Variants in MKRN3 observed in about 807,000 individuals in gnomAD.
MKRN3 encodes makorin ring finger protein 3.
For synonymous variants in MKRN3, 301 were observed against 250.2 expected, an observed-to-expected ratio of 1.20 and a Z score of -1.91; for missense variants, 749 against 667.0, an observed-to-expected ratio of 1.12 and a Z score of -1.35.
Position 23,566,234 on chromosome 15 carries a change from C to T in MKRN3, c.452C>T (p.Pro151Leu). ...CCTAGCACGGCTGCGCACATCGAGC[C>T]CCCGACTCAGGAAGTGGCGGAAGCC... ...GGPSTAAHIE[P>L]PTQEVAEAPP... The change falls in exon 1 of 1, where the codon CCC becomes CTC. Residue 151 changes from proline to leucine, a missense_variant. Transcript: ENST00000314520. 2.5e-6 allele frequency: 4 copies of T among 1,613,740 alleles called. No individual in the cohort carries two copies. Among genetic ancestry groups the T allele is most frequent in the East Asian group, 2.2e-5 (1 of 44,870 alleles).
Position 23,567,840 on chromosome 15 carries a change from A to G in MKRN3, c.*534A>G. The G allele has an allele frequency of 1.0e-6, 1 of 991,132 alleles. No homozygotes were observed. The highest frequency in any genetic ancestry group is 4.7e-5 in the South Asian group (1 of 21,128). 61.4% of individuals were successfully genotyped at this position (991,132 alleles called of 1,614,324 possible). On this transcript the variant is annotated 3_prime_UTR_variant, in exon 1 of 1. Coordinates refer to ENST00000314520, the MANE Select transcript of MKRN3 (RefSeq NM_005664.4). ...TGACCAAAACCAAGTGTATATGTTT[A>G]CATGTTTTTATCCTGTTTAGCTTGA... is the stretch of plus-strand genomic sequence containing the variant.
At position 23,567,348 on chromosome 15, in the gene MKRN3, C is replaced by T. The variant is rs372520672; in HGVS notation, c.*42C>T. 24 of 1,595,574 alleles carry T rather than the reference C, an allele frequency of 1.5e-5. No individual in the cohort carries two copies. Among genetic ancestry groups the T allele is most frequent in the African/African-American group, 1.1e-4 (8 of 74,436 alleles). On this transcript the variant is annotated 3_prime_UTR_variant, in exon 1 of 1. Transcript: ENST00000314520. ...GTGGTCTAGTCTGCTGAGGTTCTGTCGTCTGCTATTGCCTGTTTTCCCTGT... is the reference window on the plus strand; with the variant it reads ...GTGGTCTAGTCTGCTGAGGTTCTGTTGTCTGCTATTGCCTGTTTTCCCTGT...
Position 23,567,864 on chromosome 15 carries a change from G to A in MKRN3, c.*558G>A, listed in dbSNP as rs1889138109. ...TACATGTTTTTATCCTGTTTAGCTT[G>A]ACATGAAATAATTTATATTTGGAAA... On this transcript the variant is annotated 3_prime_UTR_variant, in exon 1 of 1. Coordinates refer to ENST00000314520, the MANE Select transcript of MKRN3 (RefSeq NM_005664.4). The A allele has an allele frequency of 6.3e-6, 6 of 959,316 alleles. No homozygotes were observed. Among genetic ancestry groups the A allele is most frequent in the Non-Finnish European group, 7.6e-6 (6 of 793,494 alleles). 59.4% of individuals were successfully genotyped at this position (959,316 alleles called of 1,614,324 possible).
chr15:23,567,184 C>T lies in MKRN3; in HGVS notation c.1402C>T (p.Leu468Phe). 6.2e-7 allele frequency: 1 copy of T among 1,614,206 alleles called. No homozygotes were observed. Among genetic ancestry groups the T allele is most frequent in the South Asian group, 1.1e-5 (1 of 91,080 alleles). ...AAGCATTAAGAAGGAGCTTGTCGTGCTTCGGCTGGCCAGTCTGTTGTTTAA... is the reference window on the plus strand; with the variant it reads ...AAGCATTAAGAAGGAGCTTGTCGTGTTTCGGCTGGCCAGTCTGTTGTTTAA... The part of the protein sequence containing the change: ...YKSIKKELVV[L>F]RLASLLFKRF... The change falls in exon 1 of 1, where the codon CTT becomes TTT. Residue 468 changes from leucine (L) to phenylalanine (F), a missense_variant. Coordinates refer to ENST00000314520, the MANE Select transcript of MKRN3 (RefSeq NM_005664.4).
rs1481181374 is a variant in MKRN3 at position 23,567,178 on chromosome 15, G to T, written c.1396G>T (p.Val466Phe). ...CTATAAAAGCATTAAGAAGGAGCTT[G>T]TCGTGCTTCGGCTGGCCAGTCTGTT... ...MLYKSIKKEL[V>F]VLRLASLLFK... The change falls in exon 1 of 1, where the codon GTC becomes TTC. Residue 466 changes from valine (V) to phenylalanine (F), a missense_variant. Val to Phe is a conservative substitution (Grantham distance 50). Transcript: ENST00000314520. 5.0e-6 allele frequency: 8 copies of T among 1,614,086 alleles called. No individual in the cohort carries two copies. The South Asian group carries it at 7.7e-5, about 16-fold the overall frequency.
chr15:23,566,120 A>C lies in MKRN3; in HGVS notation c.338A>C (p.Glu113Ala). 1 of 1,614,120 alleles carries C rather than the reference A, an allele frequency of 6.2e-7. No homozygotes were observed. The highest frequency in any genetic ancestry group is 8.5e-7 in the Non-Finnish European group (1 of 1,180,018). ...ATACATGGGCAGTGCAAGGAGGGGG[A>C]GAACTGTCGCTATTCGCACGACCTT... The part of the protein sequence containing the change: ...YYIHGQCKEG[E>A]NCRYSHDLSG... The change falls in exon 1 of 1, where the codon GAG (glutamate) becomes GCG (alanine). Residue 113 changes from glutamate (E) to alanine (A), a missense_variant. Transcript: ENST00000314520.
In MKRN3 at chr15:23,567,214, T is replaced by C. The variant is rs973701240; in HGVS notation, c.1432T>C (p.Phe478Leu). ...LRLASLLFKRFLSLRDELPFS... is the reference protein window; with the variant it reads ...LRLASLLFKRLLSLRDELPFS... ...GCTGGCCAGTCTGTTGTTTAAGCGG[T>C]TTCTTTCACTGAGAGATGAGTTACC... is the stretch of plus-strand genomic sequence containing the variant. The change falls in exon 1 of 1, where the codon TTT becomes CTT. Residue 478 changes from phenylalanine (F) to leucine (L), a missense_variant. Coordinates refer to ENST00000314520, the MANE Select transcript of MKRN3 (RefSeq NM_005664.4). 5.0e-6 allele frequency: 8 copies of C among 1,614,082 alleles called. No individual in the cohort carries two copies. The highest frequency in any genetic ancestry group is 6.8e-6 in the Non-Finnish European group (8 of 1,180,048).
rs897063266 is a variant in MKRN3, at chr15:23,565,679, T to G, written c.-104T>G. 1 of 1,182,596 alleles carries G rather than the reference T, an allele frequency of 8.5e-7. No homozygotes were observed. The highest frequency in any genetic ancestry group is 1.2e-6 in the Non-Finnish European group (1 of 868,862). 73.3% of individuals were successfully genotyped at this position (1,182,596 alleles called of 1,614,324 possible). A position where few individuals can be genotyped will look rare whatever the true frequency, so the allele number is the denominator to read the frequency against. ...GGGGAAGGAAAAAGAGATGCACACT[T>G]CCCCCAGAGAAGCCTCCGAGCGCGG... On this transcript the variant is annotated 5_prime_UTR_variant, in exon 1 of 1. Coordinates refer to ENST00000314520, the MANE Select transcript of MKRN3 (RefSeq NM_005664.4).
rs1383045114 is a variant in MKRN3 at position 23,567,285 on chromosome 15, A to C, written c.1503A>C (p.Glu501Asp). 6.2e-7 allele frequency: 1 copy of C among 1,614,168 alleles called. No homozygotes were observed. Among genetic ancestry groups the C allele is most frequent in the Admixed American group, 1.7e-5 (1 of 60,026 alleles). ...ACTTGCTTCATTATGAGCTGGAAGA[A>C]TATTTCAATTTGATTCTGTAGCATC... ...QWDLLHYELEEYFNLIL is the reference protein window; with the variant it reads ...QWDLLHYELEDYFNLIL Residue 501 changes from glutamate to aspartate, a missense_variant, in exon 1 of 1, where the codon GAA becomes GAC. Glu to Asp is a conservative substitution (Grantham distance 45). Transcript: ENST00000314520.
chr15:23,567,380 A>G lies in MKRN3; in HGVS notation c.*74A>G. ...TATTGCCTGTTTTCCCTGTGTTGACACTCTTACTGCTTTCAGGGGCTGTTG... is the reference window on the plus strand; with the variant it reads ...TATTGCCTGTTTTCCCTGTGTTGACGCTCTTACTGCTTTCAGGGGCTGTTG... On this transcript the variant is annotated 3_prime_UTR_variant, in exon 1 of 1. Coordinates refer to ENST00000314520, the MANE Select transcript of MKRN3 (RefSeq NM_005664.4). 1.9e-6 allele frequency: 3 copies of G among 1,557,584 alleles called. No homozygotes were observed. Among genetic ancestry groups the G allele is most frequent in the South Asian group, 2.5e-5 (2 of 79,906 alleles).
Position 23,565,933 on chromosome 15 carries a change from G to T in MKRN3, c.151G>T (p.Ala51Ser). The change falls in exon 1 of 1, where the codon GCG becomes TCG. Residue 51 changes from alanine (A) to serine (S), a missense_variant. Ala to Ser is a moderately conservative substitution (Grantham distance 99). Coordinates refer to ENST00000314520, the MANE Select transcript of MKRN3 (RefSeq NM_005664.4). ...TGCTCCAGATTCAGCCCTGCCACAT[G>T]CGGCAAGGGGCTGGGCCCCCTTCCC... is the stretch of plus-strand genomic sequence containing the variant. ...SAAPDSALPH[A>S]ARGWAPFPVA... The T allele has an allele frequency of 6.2e-7, 1 of 1,613,936 alleles. No individual in the cohort carries two copies.
In MKRN3 at chr15:23,567,454, G is replaced by C; in HGVS notation, c.*148G>C. The C allele has an allele frequency of 6.9e-7, 1 of 1,457,418 alleles. No homozygotes were observed. Among genetic ancestry groups the C allele is most frequent in the Non-Finnish European group, 9.1e-7 (1 of 1,102,700 alleles). 90.3% of individuals were successfully genotyped at this position (1,457,418 alleles called of 1,614,324 possible). ...CTATTCTGCATATCTTTCCCCCTAG[G>C]ATTATGGTGATTATCTGTGTTAAAA... On this transcript the variant is annotated 3_prime_UTR_variant, in exon 1 of 1. Coordinates refer to ENST00000314520, the MANE Select transcript of MKRN3 (RefSeq NM_005664.4).
Position 23,567,251 on chromosome 15 carries a change from A to C in MKRN3, c.1469A>C (p.Asp490Ala). 6.2e-7 allele frequency: 1 copy of C among 1,614,232 alleles called. No individual in the cohort carries two copies. Among genetic ancestry groups the C allele is most frequent in the Non-Finnish European group, 8.5e-7 (1 of 1,180,046 alleles). Residue 490 changes from aspartate (D) to alanine (A), a missense_variant, in exon 1 of 1, where the codon GAC (aspartate) becomes GCC (alanine). Coordinates refer to ENST00000314520, the MANE Select transcript of MKRN3 (RefSeq NM_005664.4). ...AGAGATGAGTTACCCTTCTCTGAGGACCAGTGGGACTTGCTTCATTATGAG... is the reference window on the plus strand; with the variant it reads ...AGAGATGAGTTACCCTTCTCTGAGGCCCAGTGGGACTTGCTTCATTATGAG... ...SLRDELPFSEDQWDLLHYELE... is the reference protein window; with the variant it reads ...SLRDELPFSEAQWDLLHYELE...
chr15:23,567,180 C>T lies in MKRN3; in HGVS notation c.1398C>T (p.Val466=), dbSNP rs530013822. The T allele has an allele frequency of 2.0e-5, 33 of 1,614,172 alleles. 1 individual carries two copies. The highest frequency in any genetic ancestry group is 9.3e-5 in the African/African-American group (7 of 75,050). The part of the protein sequence containing the change: ...MLYKSIKKEL[V]VLRLASLLFK... ...ATAAAAGCATTAAGAAGGAGCTTGT[C>T]GTGCTTCGGCTGGCCAGTCTGTTGT... Residue 466 remains valine (V), a synonymous_variant, in exon 1 of 1, where the codon GTC becomes GTT. Transcript: ENST00000314520.
rs1264639964 is a variant in MKRN3 at position 23,566,764 on chromosome 15, C to T, written c.982C>T (p.Arg328Cys). The change falls in exon 1 of 1, where the codon CGC (arginine) becomes TGC (cysteine). Residue 328 changes from arginine to cysteine, a missense_variant. Coordinates refer to ENST00000314520, the MANE Select transcript of MKRN3 (RefSeq NM_005664.4). The part of the protein sequence containing the change: ...VYEKANPNDR[R>C]FGILSNCNHS... ...TGAGAAGGCCAACCCCAATGACCGC[C>T]GCTTTGGCATTCTTTCCAATTGCAA... 5.0e-6 allele frequency: 8 copies of T among 1,614,184 alleles called. No individual in the cohort carries two copies. The highest frequency in any genetic ancestry group is 6.8e-6 in the Non-Finnish European group (8 of 1,180,036).
rs201404293 is a variant in MKRN3, at chr15:23,566,329, G to A, written c.547G>A (p.Glu183Lys). ...SAAERGFFEA[E>K]RDNADRGAAG... ...TGCTGAAAGGGGTTTCTTTGAAGCC[G>A]AGAGAGACAATGCAGACCGTGGAGC... The change falls in exon 1 of 1, where the codon GAG becomes AAG. Residue 183 changes from glutamate to lysine, a missense_variant. By Grantham distance (56) the Glu-to-Lys change is moderately conservative (BLOSUM62 1). Coordinates refer to ENST00000314520, the MANE Select transcript of MKRN3 (RefSeq NM_005664.4). The A allele has an allele frequency of 2.4e-5, 38 of 1,614,158 alleles. No homozygotes were observed. Among genetic ancestry groups the A allele is most frequent in the Middle Eastern group, 1.6e-4 (1 of 6,062 alleles).
rs201786270 is a variant in MKRN3 at position 23,567,239 on chromosome 15, C to T, written c.1457C>T (p.Pro486Leu). The T allele has an allele frequency of 6.2e-6, 10 of 1,614,148 alleles. No individual in the cohort carries two copies. The highest frequency in any genetic ancestry group is 1.3e-5 in the African/African-American group (1 of 75,036). Residue 486 changes from proline to leucine, a missense_variant, in exon 1 of 1, where the codon CCC (proline) becomes CTC (leucine). Coordinates refer to ENST00000314520, the MANE Select transcript of MKRN3 (RefSeq NM_005664.4). Reference sequence around the variant, plus strand: ...TTTCTTTCACTGAGAGATGAGTTACCCTTCTCTGAGGACCAGTGGGACTTG... The same window carrying T: ...TTTCTTTCACTGAGAGATGAGTTACTCTTCTCTGAGGACCAGTGGGACTTG... The part of the protein sequence containing the change: ...KRFLSLRDEL[P>L]FSEDQWDLLH...
Position 23,567,314 on chromosome 15 carries a change from C to T in MKRN3, c.*8C>T. 6.2e-7 allele frequency: 1 copy of T among 1,612,816 alleles called. No individual in the cohort carries two copies. The highest frequency in any genetic ancestry group is 8.5e-7 in the Non-Finnish European group (1 of 1,179,242). ...TTCAATTTGATTCTGTAGCATCGTGCTGTGGCATGTGGTCTAGTCTGCTGA... is the reference window on the plus strand; with the variant it reads ...TTCAATTTGATTCTGTAGCATCGTGTTGTGGCATGTGGTCTAGTCTGCTGA... On this transcript the variant is annotated 3_prime_UTR_variant, in exon 1 of 1. Transcript: ENST00000314520.
At position 23,566,964 on chromosome 15, in the gene MKRN3, A is replaced by G. The variant is rs773642167; in HGVS notation, c.1182A>G (p.Ala394=). The stretch of plus-strand genomic sequence containing the variant: ...AACTTATTCAGCAATACAAGGAGGC[A>G]ATGAGCAACAAGGCCTGCAGGTATT... The part of the protein sequence containing the change: ...KQKLIQQYKE[A]MSNKACRYFA... Residue 394 remains alanine (A), a synonymous_variant, in exon 1 of 1, where the codon GCA becomes GCG. Coordinates refer to ENST00000314520, the MANE Select transcript of MKRN3 (RefSeq NM_005664.4). 25 of 1,614,212 alleles carry G rather than the reference A, an allele frequency of 1.5e-5. No individual in the cohort carries two copies. In the East Asian group the frequency reaches 5.3e-4, roughly 35 times the overall value.
Sources: gnomAD v4.1 joint callset for allele counts on GRCh38, gnomAD v4.1.1 for gene constraint, MANE v1.5 for transcripts, NCBI Gene and HGNC (gene_info 2026-07-23, HGNC 2026-07-21) for gene names.